Variants in ATG7 observed in about 807,000 individuals in gnomAD.
The protein encoded by ATG7 is autophagy related 7.
ATG7 carries 70 observed loss-of-function variants against 82.4 expected under a neutral mutation model. That is an observed-to-expected ratio of 0.85 (90% CI 0.70 to 1.04). ATG7 has a LOEUF of 1.04. Among genes scored for constraint, ATG7 ranks in the 50% least tolerant of loss-of-function variants. The probability of loss-of-function intolerance (pLI) is 0.00; values close to 1 mark genes in which losing one functional copy is unlikely to be tolerated. For synonymous variants in ATG7, 287 were observed against 313.0 expected, an observed-to-expected ratio of 0.92 and a Z score of 0.88; for missense variants, 792 against 864.3, an observed-to-expected ratio of 0.92 and a Z score of 1.05.
chr3:11,410,717 G>T (rs2080815500), intron 19 of ATG7, among the ~76,000 whole-genome samples: 1 of 152,130 alleles, frequency 6.6e-6, no homozygotes, highest in Non-Finnish European at 1.5e-5. Context: ...TTACTCCATG[G>T]TGTAGCATGT....
chr3:11,439,890 G>A (rs1385579449), intron 20 of ATG7, among the ~76,000 whole-genome samples: 16 of 152,144 alleles, frequency 1.1e-4, no homozygotes, highest in Admixed American at 6.5e-4. Flanking sequence ...CCCTTTTGAT[G>A]CCCATAACAA....
chr3:11,558,703 G>C (rs2072667883), downstream of ATG7: 2 of 1,613,918 alleles, frequency 1.2e-6, no homozygotes, highest in Non-Finnish European at 1.7e-6. Flanking sequence ...CCAGAGCTTT[G>C]GCAAAGTGGT....
intron 20 of ATG7, among the ~76,000 whole-genome samples, chr3:11,478,438 G>T (rs543598894): frequency 1.1e-4 from 17 of 152,110 alleles, no homozygotes; most frequent in Non-Finnish European, 2.1e-4. Flanking sequence ...TGAGACTGGC[G>T]CATATTAAAG....
At chr3:11,339,016 G>T (rs1042426344) in intron 11 of ATG7, among the ~76,000 whole-genome samples, 2 of 152,134 alleles carry the variant, frequency 1.3e-5, no homozygotes, top group African/African-American at 2.4e-5. Context: ...CAGTGTACAG[G>T]CCGGGCGTGG....
At chr3:11,525,035 ATTT>A (rs2092540953) in intron 20 of ATG7, among the ~76,000 whole-genome samples, 1 of 150,138 alleles carries the variant, frequency 6.7e-6, no homozygotes, top group African/African-American at 2.5e-5. Context: ...ATCTCACTTT[ATTT>A]ATTTATTTAT....
intron 20 of ATG7, among the ~76,000 whole-genome samples, chr3:11,436,975 C>G (rs2083424781): frequency 6.6e-6 from 1 of 152,118 alleles, no homozygotes; most frequent in South Asian, 2.1e-4. Context: ...ATGTTCTAAT[C>G]TTAGATAGTG....
At chr3:11,576,200 G>A in the ATG7 span, among the ~76,000 whole-genome samples, 1 of 152,154 alleles carries the variant, frequency 6.6e-6, no homozygotes, top group Non-Finnish European at 1.5e-5. Context: ...GCCCACCTGC[G>A]GCCATGACCC....
chr3:11,419,421 G>T (rs2081724739), intron 19 of ATG7, among the ~76,000 whole-genome samples: 2 of 152,250 alleles, frequency 1.3e-5, no homozygotes, highest in South Asian at 4.1e-4. Context: ...AGGAATGGTG[G>T]TGTGCGCCTG....
rs957694669 is a variant in ATG7 at position 11,372,818 on chromosome 3, G to A, written c.1876-7154G>A. On this transcript the variant is annotated intron_variant, in intron 18 of 20. Coordinates refer to ENST00000693202, the MANE Select transcript of ATG7 (RefSeq NM_001349232.2). ...AAGGGCTGGGTGTGTGTGTGTGTGC[G>A]CGCGTGTGCGTGTGTGTGCGTGCGT... Among the ~76,000 whole-genome samples, 7 of 77,064 alleles carry A rather than the reference G, an allele frequency of 9.1e-5. 1 individual carries two copies. The highest frequency in any genetic ancestry group is 1.8e-4 in the Non-Finnish European group (6 of 33,144). 50.6% of individuals were successfully genotyped at this position (77,064 alleles called of 152,430 possible). A position where few individuals can be genotyped will look rare whatever the true frequency, so the allele number is the denominator to read the frequency against.
chr3:11,567,763 T>C, the ATG7 span, among the ~76,000 whole-genome samples: 2 of 152,214 alleles, frequency 1.3e-5, no homozygotes, highest in African/African-American at 4.8e-5. Flanking sequence ...TCCTGAATAC[T>C]CAGTTCATCA....
intron 11 of ATG7, among the ~76,000 whole-genome samples, chr3:11,339,913 C>T (rs2594980): frequency 0.73 from 110,725 of 152,038 alleles, 41,507 homozygotes; most frequent in East Asian, 0.93. Context: ...ATATAGAAGA[C>T]AGATATAAGT....
intron 20 of ATG7, among the ~76,000 whole-genome samples, chr3:11,493,158 C>T (rs1236697075): frequency 6.6e-6 from 1 of 152,200 alleles, no homozygotes; most frequent in Non-Finnish European, 1.5e-5. Context: ...GTGATGAGAT[C>T]AGCTCTCAGT....
At chr3:11,277,463 TAAAGAG>T (rs1182863925) in intron 1 of ATG7, 3 of 152,278 alleles carry the variant, frequency 2.0e-5, no homozygotes, top group Non-Finnish European at 2.9e-5. Flanking sequence ...GGCTGAGAAA[TAAAGAG>T]AAAGAGTACA....
chr3:11,333,902 C>G (rs548177706), intron 11 of ATG7, among the ~76,000 whole-genome samples: 1 of 151,840 alleles, frequency 6.6e-6, no homozygotes, highest in Non-Finnish European at 1.5e-5. Flanking sequence ...CGCCCACTAC[C>G]ACGCCCGGAT....
chr3:11,493,765 C>T (rs1286617680), intron 20 of ATG7, among the ~76,000 whole-genome samples: 1 of 152,120 alleles, frequency 6.6e-6, no homozygotes, highest in Non-Finnish European at 1.5e-5. Context: ...CTAAGTAGTC[C>T]TGTGAAGAAG....
chr3:11,563,573 C>T, the ATG7 span, among the ~76,000 whole-genome samples: 1 of 152,234 alleles, frequency 6.6e-6, no homozygotes, highest in South Asian at 2.1e-4. Flanking sequence ...CTCTGCTCTG[C>T]AGAGGGCTGG....
At chr3:11,448,329 C>T (rs937437717) in intron 20 of ATG7, among the ~76,000 whole-genome samples, 83 of 152,136 alleles carry the variant, frequency 5.5e-4, no homozygotes, top group African/African-American at 1.9e-3. Context: ...CTGAGGCCAC[C>T]TCTTGGGGCG....
At chr3:11,451,959 G>A (rs760266650) in intron 20 of ATG7, among the ~76,000 whole-genome samples, 1 of 15,598 alleles carries the variant, frequency 6.4e-5, no homozygotes, top group Non-Finnish European at 1.1e-4. Flanking sequence ...TTTGTGAAGT[G>A]TTCAGAATAG....
chr3:11,484,828 A>G (rs1419199553), intron 20 of ATG7, among the ~76,000 whole-genome samples: 2 of 152,138 alleles, frequency 1.3e-5, no homozygotes, highest in Non-Finnish European at 2.9e-5. Context: ...TTTACTGAGA[A>G]TGATGATTTC....
Sources: gnomAD v4.1 joint callset for allele counts (sites outside exome capture counted in the v4.1 genomes callset) on GRCh38, gnomAD v4.1.1 for gene constraint, MANE v1.5 for transcripts, NCBI Gene and HGNC (gene_info 2026-07-23, HGNC 2026-07-21) for gene names.